GALNT13: variants seen among roughly 807,000 people sequenced by gnomAD.
The protein encoded by GALNT13 is polypeptide N-acetylgalactosaminyltransferase 13, also known as UDP-GalNAc:polypeptide N-acetylgalactosaminyltransferase 13.
In GALNT13, 28 loss-of-function variants were observed where a neutral mutation model predicts 64.2. That is an observed-to-expected ratio of 0.44 (90% confidence interval 0.32 to 0.60). The LOEUF is 0.60. Among genes scored for constraint, GALNT13 ranks in the 20% least tolerant of loss-of-function variants. GALNT13 has a pLI of 0.05. For synonymous variants in GALNT13, 214 were observed against 224.6 expected (o/e 0.95, Z 0.42); for missense variants, 577 against 669.8 (o/e 0.86, Z 1.53).
chr2:154,244,733 A>G (rs1356058842), intron 6 of GALNT13, among the ~76,000 whole-genome samples: 1 of 152,200 alleles, frequency 6.6e-6, no homozygotes, highest in Non-Finnish European at 1.5e-5. Flanking sequence ...AGAAGGCACA[A>G]CATGGATTAA....
intron 4 of GALNT13, among the ~76,000 whole-genome samples, chr2:154,180,628 G>A (rs1158073276): frequency 6.6e-6 from 1 of 152,022 alleles, no homozygotes; most frequent in African/African-American, 2.4e-5. Flanking sequence ...TGCATAATAA[G>A]CGTAGTTAAA....
chr2:153,096,681 C>T, the GALNT13 span, among the ~76,000 whole-genome samples: 1 of 152,002 alleles, frequency 6.6e-6, no homozygotes, highest in Non-Finnish European at 1.5e-5. Flanking sequence ...AGTATAGTGA[C>T]TCCTGTTCTT....
the GALNT13 span, among the ~76,000 whole-genome samples, chr2:153,812,424 G>A: frequency 6.6e-6 from 1 of 152,058 alleles, no homozygotes; most frequent in African/African-American, 2.4e-5. Context: ...AAATATGGAG[G>A]TCTTGCAAGG....
At chr2:153,106,862 A>G in the GALNT13 span, among the ~76,000 whole-genome samples, 1 of 152,304 alleles carries the variant, frequency 6.6e-6, no homozygotes, top group Non-Finnish European at 1.5e-5. Flanking sequence ...AGATATTTGT[A>G]GCTATAATTA....
intron 7 of GALNT13, among the ~76,000 whole-genome samples, chr2:154,258,681 C>A (rs888984902): frequency 1.3e-5 from 2 of 151,644 alleles, no homozygotes; most frequent in Non-Finnish European, 2.9e-5. Context: ...AGTTTCATGA[C>A]CAGCTAACCA....
the GALNT13 span, among the ~76,000 whole-genome samples, chr2:153,702,391 G>A: frequency 6.6e-6 from 1 of 152,074 alleles, no homozygotes; most frequent in Non-Finnish European, 1.5e-5. Context: ...GTTAATAGGT[G>A]CAGCAAACCA....
the GALNT13 span, among the ~76,000 whole-genome samples, chr2:153,813,052 T>A: frequency 6.6e-6 from 1 of 152,218 alleles, no homozygotes. Context: ...TCATTTCTTA[T>A]CAATTTTAAT....
chr2:154,001,824 TA>T (rs1247621068), intron 3 of GALNT13, among the ~76,000 whole-genome samples: 1 of 152,082 alleles, frequency 6.6e-6, no homozygotes, highest in African/African-American at 2.4e-5. Flanking sequence ...GGACTCCTTT[TA>T]GCATTTATTC....
At chr2:154,096,937 G>A (rs997788928) in intron 3 of GALNT13, among the ~76,000 whole-genome samples, 2 of 151,906 alleles carry the variant, frequency 1.3e-5, no homozygotes, top group Non-Finnish European at 2.9e-5. Flanking sequence ...ATGACACAGG[G>A]TATTTTTGTC....
intron 3 of GALNT13, among the ~76,000 whole-genome samples, chr2:154,111,366 C>A (rs1702977489): frequency 6.6e-6 from 1 of 152,154 alleles, no homozygotes. Flanking sequence ...ATATATCATG[C>A]ATATTCTTCC....
the GALNT13 span, among the ~76,000 whole-genome samples, chr2:153,181,315 C>T: frequency 1.3e-4 from 20 of 149,886 alleles, no homozygotes; most frequent in East Asian, 2.1e-3. Context: ...AATTTTTTGA[C>T]GTTTTACTTA....
the GALNT13 span, among the ~76,000 whole-genome samples, chr2:153,496,333 C>G: frequency 6.6e-6 from 1 of 152,132 alleles, no homozygotes; most frequent in South Asian, 2.1e-4. Flanking sequence ...CTTAGGAAAT[C>G]TGGGAGCATG....
At chr2:153,739,818 T>C in the GALNT13 span, among the ~76,000 whole-genome samples, 15 of 151,552 alleles carry the variant, frequency 9.9e-5, no homozygotes, top group African/African-American at 3.6e-4. Context: ...GGTATATTGG[T>C]GTATAATTCT....
chr2:154,441,481 A>G (rs543508491), intron 12 of GALNT13, among the ~76,000 whole-genome samples: 1 of 152,256 alleles, frequency 6.6e-6, no homozygotes, highest in East Asian at 1.9e-4. Flanking sequence ...AGTTCATAGA[A>G]TTACAGAACT....
At chr2:154,431,881 C>T (rs554697832) in intron 11 of GALNT13, among the ~76,000 whole-genome samples, 1 of 152,362 alleles carries the variant, frequency 6.6e-6, no homozygotes, top group South Asian at 2.1e-4. Flanking sequence ...GCTCCTCCTT[C>T]ACCTTCCACC....
At chr2:153,318,834 G>A in the GALNT13 span, among the ~76,000 whole-genome samples, 10 of 152,148 alleles carry the variant, frequency 6.6e-5, no homozygotes, top group Non-Finnish European at 1.3e-4. Context: ...GTAGTAAAAT[G>A]GGGGAAAGTT....
chr2:153,987,144 A>G (rs1694852065), intron 3 of GALNT13, among the ~76,000 whole-genome samples: 1 of 151,938 alleles, frequency 6.6e-6, no homozygotes, highest in Non-Finnish European at 1.5e-5. Flanking sequence ...GATTGGATCT[A>G]AAGGATAAAG....
intron 2 of GALNT13, among the ~76,000 whole-genome samples, chr2:153,916,609 G>T (rs1024972500): frequency 6.6e-6 from 1 of 152,112 alleles, no homozygotes; most frequent in Non-Finnish European, 1.5e-5. Flanking sequence ...CTGTAAAAGG[G>T]CATGATATAA....
At chr2:153,537,802 T>C in the GALNT13 span, among the ~76,000 whole-genome samples, 6 of 152,164 alleles carry the variant, frequency 3.9e-5, no homozygotes, top group Non-Finnish European at 5.9e-5. Context: ...GAAGACATGT[T>C]TGCTTACCCT....
Sources: gnomAD v4.1 joint callset for allele counts (sites outside exome capture counted in the v4.1 genomes callset) on GRCh38, gnomAD v4.1.1 for gene constraint, MANE v1.5 for transcripts, NCBI Gene and HGNC (gene_info 2026-07-23, HGNC 2026-07-21) for gene names.